The following TMEM184B variants were observed in gnomAD, a reference collection of about 807,000 sequenced individuals.
TMEM184B encodes putative MAPK-activating protein FM08.
TMEM184B carries 17 observed loss-of-function variants against 41.8 expected under a neutral mutation model. The ratio of observed to expected loss-of-function variants is 0.41; its 90% CI spans 0.28 to 0.61. The LOEUF is 0.61. Ranked by LOEUF, TMEM184B falls within the 20% of genes least tolerant of loss-of-function variation. The pLI is 0.34. For synonymous variants in TMEM184B, 240 were observed against 229.5 expected, an observed-to-expected ratio of 1.05 and a Z score of -0.41; for missense variants, 393 against 557.8, an observed-to-expected ratio of 0.70 and a Z score of 2.98.
chr22:38,243,539 C>T (rs2091961228), intron 3 of TMEM184B, among the ~76,000 whole-genome samples: 1 of 152,200 alleles, frequency 6.6e-6, no homozygotes, highest in Non-Finnish European at 1.5e-5. Flanking sequence ...CAGCCCCACA[C>T]TTCGCCAATT....
chr22:38,251,594 G>A (rs1238213886), intron 1 of TMEM184B, among the ~76,000 whole-genome samples: 1 of 152,156 alleles, frequency 6.6e-6, no homozygotes, highest in Admixed American at 6.5e-5. Context: ...TCTGCAAACT[G>A]TTCACAGTGT....
chr22:38,241,520 T>G (rs562244784), intron 3 of TMEM184B, among the ~76,000 whole-genome samples: 1 of 122,264 alleles, frequency 8.2e-6, no homozygotes, highest in Non-Finnish European at 1.7e-5. Context: ...AGACCTCATC[T>G]CTACAAAAAA....
chr22:38,218,122 C>A (rs4821767), downstream of TMEM184B, among the ~76,000 whole-genome samples: 66,554 of 152,126 alleles, frequency 0.44, 16,372 homozygotes, highest in Non-Finnish European at 0.55. Flanking sequence ...AAACTATCTT[C>A]CCCATGTTTC....
chr22:38,264,050 C>T (rs374323953), intron 1 of TMEM184B, among the ~76,000 whole-genome samples: 1 of 152,330 alleles, frequency 6.6e-6, no homozygotes, highest in East Asian at 1.9e-4. Context: ...AGTTACCTGC[C>T]CACCTCGGCC....
chr22:38,259,939 C>CTTTTT (rs60704295), intron 1 of TMEM184B, among the ~76,000 whole-genome samples: 3 of 87,394 alleles, frequency 3.4e-5, no homozygotes, highest in East Asian at 3.4e-4. Context: ...CCACGCCTGG[C>CTTTTT]TTTTTTTTTT....
At chr22:38,254,105 G>T (rs2092228988) in intron 1 of TMEM184B, among the ~76,000 whole-genome samples, 1 of 151,434 alleles carries the variant, frequency 6.6e-6, no homozygotes, top group Non-Finnish European at 1.5e-5. Context: ...GGAGGCTGAG[G>T]CAGCAGAATT....
downstream of TMEM184B, among the ~76,000 whole-genome samples, chr22:38,216,908 T>G (rs186198953): frequency 6.6e-6 from 1 of 152,020 alleles, no homozygotes; most frequent in Admixed American, 6.6e-5. Flanking sequence ...TAGCCACATG[T>G]GGTGGTACAC....
chr22:38,272,059 G>A (rs770629705), intron 1 of TMEM184B, among the ~76,000 whole-genome samples: 2 of 152,212 alleles, frequency 1.3e-5, no homozygotes, highest in Non-Finnish European at 2.9e-5. Context: ...CCTCACCACA[G>A]GTATCAGGCA....
chr22:38,230,843 G>T (rs911984431), intron 4 of TMEM184B, 99 bp from the exon 5 acceptor site: 2 of 1,149,956 alleles, frequency 1.7e-6, no homozygotes, highest in South Asian at 1.3e-5. Flanking sequence ...ATCCAGACGA[G>T]CTGGGGCACA....
In TMEM184B at chr22:38,239,996, C is replaced by T. The variant is rs960013982; in HGVS notation, c.358+5939G>A. 2.6e-5 allele frequency among the ~76,000 whole-genome samples: 4 copies of T among 151,936 alleles called. No individual in the cohort carries two copies. The highest frequency in any genetic ancestry group is 9.7e-5 in the African/African-American group (4 of 41,344). On this transcript the variant is annotated intron_variant, in intron 3 of 8. Coordinates refer to ENST00000361906, the MANE Select transcript of TMEM184B (RefSeq NM_012264.5). The surrounding 1 kb of genome is among the most constrained non-coding windows in gnomAD (Gnocchi z 4.6). The stretch of plus-strand genomic sequence containing the variant: ...TGAGGTCGAGGTCTCGCTCAGTTGC[C>T]CAGGCTGGAGTGCAGTGGCACGATC...
chr22:38,235,218 C>T (rs1427807252), intron 3 of TMEM184B, among the ~76,000 whole-genome samples: 2 of 152,198 alleles, frequency 1.3e-5, no homozygotes, highest in African/African-American at 4.8e-5. Context: ...ACTGGAGGAG[C>T]TCCTCTCAGA....
intron 5 of TMEM184B, among the ~76,000 whole-genome samples, chr22:38,228,367 C>A (rs1027010686): frequency 6.6e-6 from 1 of 152,162 alleles, no homozygotes; most frequent in African/African-American, 2.4e-5. Flanking sequence ...GTCATTATCC[C>A]CATGGTACAG....
chr22:38,246,080 G>C lies in TMEM184B; in HGVS notation c.213C>G (p.Cys71Trp). 1 of 1,611,814 alleles carries C rather than the reference G, an allele frequency of 6.2e-7. No individual in the cohort carries two copies. The highest frequency in any genetic ancestry group is 8.5e-7 in the Non-Finnish European group (1 of 1,179,994). Residue 71 changes from cysteine to tryptophan, a missense_variant, in exon 3 of 9, where the codon TGC (cysteine) becomes TGG (tryptophan). Cys to Trp is a radical substitution (Grantham distance 215). This residue lies in a region of TMEM184B where 122 missense variants were observed against 123.7 expected (regional missense o/e 0.99). Transcript: ENST00000361906. The stretch of plus-strand genomic sequence containing the variant: ...AGCGCTGCTCGTTGGGGCAGCTGTA[G>C]CAGCGCAGGTGCATGTAGATCTGGG... ...TCHQIYMHLR[C>W]YSCPNEQRYI... is the part of the protein sequence containing the mutation.
intron 5 of TMEM184B, among the ~76,000 whole-genome samples, chr22:38,229,076 T>A (rs969410189): frequency 5.9e-5 from 9 of 152,258 alleles, no homozygotes; most frequent in Non-Finnish European, 2.9e-5. Flanking sequence ...AACTGGAGAC[T>A]TGGCATGTTC....
At chr22:38,218,807 C>G (rs1424708329), downstream of TMEM184B, among the ~76,000 whole-genome samples, 2 of 152,202 alleles carry the variant, frequency 1.3e-5, no homozygotes, top group African/African-American at 2.4e-5. Flanking sequence ...TGAGTGCTCC[C>G]GTCAGCAGCA....
chr22:38,247,764 G>C lies in TMEM184B; in HGVS notation c.192+6C>G. The C allele has an allele frequency of 6.2e-7, 1 of 1,608,898 alleles. No homozygotes were observed. ...TTTCTAGAGGCCCCTTGCCAGGCTT[G>C]GGTACCTGGTGGCATGTGATGAGCA... On this transcript the variant is annotated splice_donor_region_variant and intron_variant, in intron 2 of 8. Coordinates refer to ENST00000361906, the MANE Select transcript of TMEM184B (RefSeq NM_012264.5).
At chr22:38,222,979 A>G (rs1160801391) in intron 8 of TMEM184B, 1 of 152,454 alleles carries the variant, frequency 6.6e-6, no homozygotes, top group East Asian at 1.9e-4. Flanking sequence ...TCCCATCCCC[A>G]CTTCTTCCCC....
At chr22:38,231,461 G>A (rs957429279) in intron 3 of TMEM184B, 127 bp from the exon 4 acceptor site, 3 of 821,540 alleles carry the variant, frequency 3.7e-6, no homozygotes, top group African/African-American at 3.3e-5. Context: ...GAGGCTGGGG[G>A]ACATAAGGTT....
At chr22:38,261,225 G>A (rs1481999331) in intron 1 of TMEM184B, among the ~76,000 whole-genome samples, 1 of 152,214 alleles carries the variant, frequency 6.6e-6, no homozygotes, top group African/African-American at 2.4e-5. Flanking sequence ...GCAACCCACA[G>A]CCTGGCCCTT....
Sources: gnomAD v4.1 joint callset for allele counts (sites outside exome capture counted in the v4.1 genomes callset) on GRCh38, gnomAD v4.1.1 for gene constraint, gnomAD v4.1.1 regional missense constraint, Gnocchi (gnomAD v3.1) non-coding constraint, MANE v1.5 for transcripts, NCBI Gene and HGNC (gene_info 2026-07-23, HGNC 2026-07-21) for gene names.